Variants in TENM4 observed in about 807,000 individuals in gnomAD.
The protein encoded by TENM4 is teneurin transmembrane protein 4, also known as teneurin-4.
TENM4 carries 82 observed loss-of-function variants against 243.3 expected under a neutral mutation model. That is an observed-to-expected ratio of 0.34 (90% CI 0.28 to 0.40). The LOEUF is 0.40. Among genes scored for constraint, TENM4 ranks in the 10% least tolerant of loss-of-function variants. The pLI, the probability that TENM4 is intolerant of heterozygous loss-of-function variation, is 1.00. For missense variants in TENM4, 3,138 were observed against 3,673.3 expected, an observed-to-expected ratio of 0.85 and a Z score of 3.77; for synonymous variants, 1,412 against 1,456.3, an observed-to-expected ratio of 0.97 and a Z score of 0.69.
At chr11:78,781,912 T>A (rs908922293) in intron 16 of TENM4, among the ~76,000 whole-genome samples, 1 of 152,128 alleles carries the variant, frequency 6.6e-6, no homozygotes, top group Admixed American at 6.5e-5. Context: ...CCCCACCACG[T>A]GTGGGCTGAA....
intron 6 of TENM4, among the ~76,000 whole-genome samples, chr11:79,057,613 A>T (rs1249003511): frequency 6.6e-6 from 1 of 152,160 alleles, no homozygotes; most frequent in Non-Finnish European, 1.5e-5. Context: ...TACCTTGTTC[A>T]TCATCAATTT....
intron 14 of TENM4, among the ~76,000 whole-genome samples, chr11:78,808,633 A>C (rs554942417): frequency 6.6e-6 from 1 of 152,330 alleles, no homozygotes; most frequent in East Asian, 1.9e-4. Flanking sequence ...TCAGAAATAC[A>C]TGCATGCATA....
chr11:78,777,808 G>C (rs1313986020), intron 17 of TENM4, among the ~76,000 whole-genome samples: 1 of 152,148 alleles, frequency 6.6e-6, no homozygotes, highest in Non-Finnish European at 1.5e-5. Context: ...AGATGAATAT[G>C]ACATGGTATT....
At position 78,732,574 on chromosome 11, in the gene TENM4, A is replaced by G; in HGVS notation, c.2880T>C (p.Phe960=). The G allele has an allele frequency of 6.3e-7, 1 of 1,597,684 alleles. No homozygotes were observed. Among genetic ancestry groups the G allele is most frequent in the Non-Finnish European group, 8.6e-7 (1 of 1,168,084 alleles). ...AGATGCCGCCATTTGTCACCAAGTC[A>G]AAGCTGTTTGGGAGGGGAAGGTTGA... The part of the protein sequence containing the change: ...GYTISRQDGS[F]DLVTNGGISI... The change falls in exon 21 of 34, where the codon TTT becomes TTC. Residue 960 remains phenylalanine, a synonymous_variant. Coordinates refer to ENST00000278550, the MANE Select transcript of TENM4 (RefSeq NM_001098816.3).
intron 2 of TENM4, among the ~76,000 whole-genome samples, chr11:79,291,993 G>A (rs995193195): frequency 3.9e-5 from 6 of 152,088 alleles, no homozygotes; most frequent in South Asian, 2.1e-4. Context: ...TGCCCAGGTC[G>A]TCCAGAGCCA....
intron 6 of TENM4, among the ~76,000 whole-genome samples, chr11:78,990,569 G>A (rs1858018356): frequency 6.6e-6 from 1 of 152,190 alleles, no homozygotes; most frequent in Admixed American, 6.5e-5. Context: ...ATACTGTTCA[G>A]TGGAAAAAAA....
chr11:79,072,318 A>G (rs893890346), intron 4 of TENM4, among the ~76,000 whole-genome samples: 2 of 151,912 alleles, frequency 1.3e-5, no homozygotes, highest in Non-Finnish European at 2.9e-5. Flanking sequence ...CCCTGTTTCT[A>G]CAGACAAACA....
At chr11:79,359,616 TAATAGA>T (rs1360276759) in intron 1 of TENM4, among the ~76,000 whole-genome samples, 1 of 152,056 alleles carries the variant, frequency 6.6e-6, no homozygotes, top group East Asian at 1.9e-4. Context: ...TCATAAAAAT[TAATAGA>T]ACAAGTCTGC....
chr11:79,051,424 G>A (rs781556839), intron 6 of TENM4, among the ~76,000 whole-genome samples: 12 of 152,204 alleles, frequency 7.9e-5, no homozygotes, highest in Non-Finnish European at 1.6e-4. Context: ...CACCAAGTGT[G>A]TGTTTGCAGG....
rs780253884 is a variant in TENM4 at position 78,757,025 on chromosome 11, C to T, written c.2540-4G>A. On this transcript the variant is annotated splice_polypyrimidine_tract_variant and splice_region_variant and intron_variant, in intron 18 of 33. Coordinates refer to ENST00000278550, the MANE Select transcript of TENM4 (RefSeq NM_001098816.3). ...TCCATGCAGTCCACCAGGCCATCTGCAGGAGTGACAGAGCATGTGGTTTAT... is the reference window on the plus strand; with the variant it reads ...TCCATGCAGTCCACCAGGCCATCTGTAGGAGTGACAGAGCATGTGGTTTAT... 2 of 1,612,972 alleles carry T rather than the reference C, an allele frequency of 1.2e-6. No homozygotes were observed. Among genetic ancestry groups the T allele is most frequent in the Admixed American group, 1.7e-5 (1 of 59,930 alleles).
intron 6 of TENM4, among the ~76,000 whole-genome samples, chr11:79,010,837 G>T (rs1388672369): frequency 6.6e-6 from 1 of 152,150 alleles, no homozygotes; most frequent in Non-Finnish European, 1.5e-5. Context: ...GAAGGCCAGA[G>T]CAAAGGTCCC....
chr11:78,945,130 T>C (rs1223197033), intron 6 of TENM4, among the ~76,000 whole-genome samples: 1 of 152,234 alleles, frequency 6.6e-6, no homozygotes, highest in Admixed American at 6.5e-5. Context: ...TTCCTTGTTT[T>C]ATTTCACTTT....
chr11:78,777,503 GAGAATA>G (rs542397420), intron 17 of TENM4, among the ~76,000 whole-genome samples: 57 of 152,284 alleles, frequency 3.7e-4, no homozygotes, highest in Middle Eastern at 3.4e-3. Flanking sequence ...AATTAAGGGT[GAGAATA>G]AGAATAAGAA....
At chr11:78,751,752 G>T (rs777643934) in intron 19 of TENM4, among the ~76,000 whole-genome samples, 17 of 152,152 alleles carry the variant, frequency 1.1e-4, no homozygotes, top group African/African-American at 4.1e-4. Flanking sequence ...GCTCTGGCTC[G>T]AGTGCTTGCC....
chr11:79,162,723 G>A (rs1477288431), intron 3 of TENM4, among the ~76,000 whole-genome samples: 2 of 152,170 alleles, frequency 1.3e-5, no homozygotes, highest in Non-Finnish European at 2.9e-5. Flanking sequence ...TGGTCTAGTT[G>A]TTGGGTTTGC....
intron 3 of TENM4, among the ~76,000 whole-genome samples, chr11:79,173,638 G>A (rs1465671148): frequency 2.6e-5 from 4 of 152,278 alleles, no homozygotes; most frequent in Middle Eastern, 3.4e-3. Flanking sequence ...AGGTAGAGAA[G>A]GGTTGCTACT....
At chr11:79,249,945 A>T (rs566243469) in intron 2 of TENM4, among the ~76,000 whole-genome samples, 4 of 152,324 alleles carry the variant, frequency 2.6e-5, no homozygotes, top group Admixed American at 1.3e-4. Context: ...TTTATTGTGC[A>T]TCAGTGATTC....
At chr11:79,177,145 T>G (rs568345538) in intron 3 of TENM4, among the ~76,000 whole-genome samples, 2 of 152,216 alleles carry the variant, frequency 1.3e-5, no homozygotes, top group East Asian at 3.9e-4. Context: ...CTTTTTTTTT[T>G]CAAAGCAGTG....
intron 6 of TENM4, among the ~76,000 whole-genome samples, chr11:79,059,754 C>T (rs1008147581): frequency 1.1e-4 from 17 of 152,286 alleles, no homozygotes; most frequent in South Asian, 4.1e-4. Context: ...CCCCAACAGC[C>T]TCTTCTTAGT....
Sources: gnomAD v4.1 joint callset for allele counts (sites outside exome capture counted in the v4.1 genomes callset) on GRCh38, gnomAD v4.1.1 for gene constraint, MANE v1.5 for transcripts, NCBI Gene and HGNC (gene_info 2026-07-23, HGNC 2026-07-21) for gene names.